Variants in RPS6KA2 observed in about 807,000 individuals in gnomAD.
RPS6KA2 encodes ribosomal protein S6 kinase alpha-2.
In RPS6KA2, 42 loss-of-function variants were observed where a neutral mutation model predicts 91.8. The observed-to-expected ratio is 0.46, with a 90% confidence interval of 0.36 to 0.59. RPS6KA2 has a LOEUF of 0.59. Among genes scored for constraint, RPS6KA2 ranks in the 20% least tolerant of loss-of-function variants. The pLI is 0.00. For missense variants in RPS6KA2, 798 were observed against 978.5 expected (o/e 0.82, Z 2.46); for synonymous variants, 414 against 393.6 (o/e 1.05, Z -0.61).
At chr6:166,505,909 C>T (rs569380412) in intron 5 of RPS6KA2, among the ~76,000 whole-genome samples, 3 of 152,354 alleles carry the variant, frequency 2.0e-5, no homozygotes, top group African/African-American at 7.2e-5. Context: ...ACACGTGGCC[C>T]ACCATGGGTT....
rs1040664155 is a variant in RPS6KA2, at chr6:166,821,991, C to A, written c.123+36209G>T. On this transcript the variant is annotated intron_variant, in intron 2 of 21. Transcript: ENST00000503859. The surrounding 1 kb of genome is among the most constrained non-coding windows in gnomAD (Gnocchi z 4.1). ...TCAAATGCGTTGGCAAGTCTGACAG[C>A]CCCAAGCCCAGCACGCACCCAGATC... Among the ~76,000 whole-genome samples the A allele has an allele frequency of 6.6e-6, 1 of 152,152 alleles. No homozygotes were observed. Among genetic ancestry groups the A allele is most frequent in the African/African-American group, 2.4e-5 (1 of 41,428 alleles).
At chr6:166,758,099 AG>A (rs1426674824) in intron 2 of RPS6KA2, among the ~76,000 whole-genome samples, 2 of 152,254 alleles carry the variant, frequency 1.3e-5, no homozygotes, top group African/African-American at 4.8e-5. Flanking sequence ...AACGTGCCTT[AG>A]CAGTGCATGA....
intron 2 of RPS6KA2, chr6:166,757,606 G>A (rs1183334245): frequency 2.2e-6 from 1 of 456,160 alleles, no homozygotes; most frequent in South Asian, 1.5e-5. Flanking sequence ...CGGGGGCCGG[G>A]CTCCCCTTGC....
At position 166,531,284 on chromosome 6, in the gene RPS6KA2, G is replaced by T. The variant is rs748386172; in HGVS notation, c.246C>A (p.Ser82=). The change falls in exon 3 of 21, where the codon TCC becomes TCA. Residue 82 remains serine, a synonymous_variant. Coordinates refer to ENST00000265678, the MANE Select transcript of RPS6KA2 (RefSeq NM_021135.6). The part of the protein sequence containing the change: ...KVFLVRKVKG[S]DAGQLYAMKV... Reference sequence around the variant, plus strand: ...TCATGGCGTAGAGCTGCCCAGCGTCGGACCCCTTCACCTTCCTCACCAGGA... The same window carrying T: ...TCATGGCGTAGAGCTGCCCAGCGTCTGACCCCTTCACCTTCCTCACCAGGA... The T allele has an allele frequency of 1.2e-6, 2 of 1,614,024 alleles. No individual in the cohort carries two copies. Among genetic ancestry groups the T allele is most frequent in the Middle Eastern group, 1.6e-4 (1 of 6,062 alleles).
intron 2 of RPS6KA2, among the ~76,000 whole-genome samples, chr6:166,751,917 ACACAGAGGCCAGACTCCATGGAG>A (rs1336465045): frequency 2.6e-5 from 4 of 151,212 alleles, no homozygotes. Flanking sequence ...ACGCTGTGGA[ACACAGAGGCCAGACTCCATGGAG>A]CACAGAGGCC....
At chr6:166,514,615 G>T (rs147709447) in intron 3 of RPS6KA2, among the ~76,000 whole-genome samples, 1 of 152,198 alleles carries the variant, frequency 6.6e-6, no homozygotes, top group Non-Finnish European at 1.5e-5. Context: ...GGAGCCAAGA[G>T]ACCATGGACA....
chr6:166,784,786 G>A (rs1199314576), intron 2 of RPS6KA2, among the ~76,000 whole-genome samples: 1 of 148,028 alleles, frequency 6.8e-6, no homozygotes, highest in Non-Finnish European at 1.5e-5. Context: ...TGAGACCAGA[G>A]AAGTCCCGCA....
intron 2 of RPS6KA2, among the ~76,000 whole-genome samples, chr6:166,829,192 TG>T: frequency 6.6e-6 from 1 of 152,258 alleles, no homozygotes; most frequent in Non-Finnish European, 1.5e-5. Context: ...AAATAGCAAA[TG>T]GCAAGGATGT....
chr6:166,448,897 G>A lies in RPS6KA2; in HGVS notation c.1207-48C>T, dbSNP rs1779763600. 1.9e-6 allele frequency: 3 copies of A among 1,607,192 alleles called. No individual in the cohort carries two copies. Among genetic ancestry groups the A allele is most frequent in the South Asian group, 1.1e-5 (1 of 90,394 alleles). On this transcript the variant is annotated intron_variant, in intron 13 of 20. Transcript: ENST00000265678. This position sits in a 1 kb window ranked among gnomAD's most constrained non-coding sequence, Gnocchi z 4.7. ...AGAGTTGTCGGAACCCTCACACGAG[G>A]GGACGGTGCAGCTACACGCACACAG...
At chr6:166,805,511 G>A (rs1779471369) in intron 2 of RPS6KA2, among the ~76,000 whole-genome samples, 2 of 152,124 alleles carry the variant, frequency 1.3e-5, no homozygotes, top group Non-Finnish European at 2.9e-5. Context: ...GCATATGCAG[G>A]GAAAATTACA....
chr6:166,647,722 C>T (rs1015842008), intron 2 of RPS6KA2, among the ~76,000 whole-genome samples: 2 of 152,130 alleles, frequency 1.3e-5, no homozygotes, highest in Non-Finnish European at 2.9e-5. Flanking sequence ...CAGGAGGCTT[C>T]CTATACCCAC....
At chr6:166,818,101 A>C (rs1779816797) in intron 2 of RPS6KA2, among the ~76,000 whole-genome samples, 1 of 152,210 alleles carries the variant, frequency 6.6e-6, no homozygotes, top group South Asian at 2.1e-4. Context: ...CTCTTTAGAA[A>C]TGGGATATTC....
intron 2 of RPS6KA2, among the ~76,000 whole-genome samples, chr6:166,723,523 G>T (rs1227338180): frequency 6.6e-6 from 1 of 152,226 alleles, no homozygotes; most frequent in African/African-American, 2.4e-5. Context: ...GGCCGTGCCA[G>T]TACATCAAAG....
intron 2 of RPS6KA2, among the ~76,000 whole-genome samples, chr6:166,722,583 G>A (rs1186644914): frequency 6.6e-6 from 1 of 152,226 alleles, no homozygotes; most frequent in Non-Finnish European, 1.5e-5. Context: ...TGTCCACCTG[G>A]CTTTGGGTCC....
Position 166,767,542 on chromosome 6 carries a change from T to G in RPS6KA2, c.123+90658A>C, listed in dbSNP as rs1414592248. ...GCTGTCACCCAGGAGCCCTTCAGACTGCGCTCCACTTGCCAGCAAGCCTCA... is the reference window on the plus strand; with the variant it reads ...GCTGTCACCCAGGAGCCCTTCAGACGGCGCTCCACTTGCCAGCAAGCCTCA... On this transcript the variant is annotated intron_variant, in intron 2 of 21. Coordinates refer to the RPS6KA2 transcript ENST00000503859. The surrounding 1 kb of genome is among the most constrained non-coding windows in gnomAD (Gnocchi z 4.6). 6.6e-6 allele frequency among the ~76,000 whole-genome samples: 1 copy of G among 152,118 alleles called. No homozygotes were observed. Among genetic ancestry groups the G allele is most frequent in the Non-Finnish European group, 1.5e-5 (1 of 68,030 alleles).
rs528399116 is a variant in RPS6KA2, at chr6:166,435,580, A to G, written c.1333-3090T>C. On this transcript the variant is annotated intron_variant, in intron 14 of 20. Transcript: ENST00000265678. The surrounding 1 kb of genome is among the most constrained non-coding windows in gnomAD (Gnocchi z 4.3). Reference sequence around the variant, plus strand: ...TGGGGAAATGGAGGAAAATGAAAGAAGCTCCCAGGCTGAGGTCCTGTGGGG... The same window carrying G: ...TGGGGAAATGGAGGAAAATGAAAGAGGCTCCCAGGCTGAGGTCCTGTGGGG... 2.6e-5 allele frequency among the ~76,000 whole-genome samples: 4 copies of G among 152,358 alleles called. No individual in the cohort carries two copies. The highest frequency in any genetic ancestry group is 4.4e-5 in the Non-Finnish European group (3 of 68,038).
At chr6:166,711,440 T>C (rs1178613248) in intron 2 of RPS6KA2, among the ~76,000 whole-genome samples, 1 of 144,974 alleles carries the variant, frequency 6.9e-6, no homozygotes, top group Non-Finnish European at 1.5e-5. Flanking sequence ...GATGACAGAA[T>C]GTTAGATATA....
At chr6:166,426,381 C>T (rs1583116313) in intron 16 of RPS6KA2, among the ~76,000 whole-genome samples, 1 of 125,262 alleles carries the variant, frequency 8.0e-6, no homozygotes, top group African/African-American at 3.1e-5. Flanking sequence ...TCTAACATCA[C>T]AATTAAAAGA....
chr6:166,752,285 T>C (rs1485496989), intron 2 of RPS6KA2, among the ~76,000 whole-genome samples: 5 of 152,180 alleles, frequency 3.3e-5, no homozygotes, highest in African/African-American at 1.2e-4. Flanking sequence ...CTCTGAAACG[T>C]AGGGCTGTGA....
Sources: gnomAD v4.1 joint callset for allele counts (sites outside exome capture counted in the v4.1 genomes callset) on GRCh38, gnomAD v4.1.1 for gene constraint, Gnocchi (gnomAD v3.1) non-coding constraint, MANE v1.5 for transcripts, NCBI Gene and HGNC (gene_info 2026-07-23, HGNC 2026-07-21) for gene names.